Variants in LDLRAD4 observed in about 807,000 individuals in gnomAD.
LDLRAD4 encodes low-density lipoprotein receptor class A domain-containing protein 4.
LDLRAD4 carries 5 observed loss-of-function variants against 17.0 expected under a neutral mutation model. The ratio of observed to expected loss-of-function variants is 0.29; its 90% CI spans 0.15 to 0.62. The LOEUF (loss-of-function observed/expected upper bound fraction) is 0.62. Among genes scored for constraint, LDLRAD4 ranks in the 20% least tolerant of loss-of-function variants. The pLI, the probability that LDLRAD4 is intolerant of heterozygous loss-of-function variation, is 0.84. For missense variants in LDLRAD4, 340 were observed against 424.7 expected, an observed-to-expected ratio of 0.80 and a Z score of 1.75; for synonymous variants, 168 against 171.8, an observed-to-expected ratio of 0.98 and a Z score of 0.17.
intron 1 of LDLRAD4, among the ~76,000 whole-genome samples, chr18:13,301,359 G>A (rs577012542): frequency 1.3e-5 from 2 of 150,076 alleles, no homozygotes; most frequent in South Asian, 4.4e-4. Context: ...GACCATTCTC[G>A]AACTTGAGAG....
chr18:13,505,801 G>A (rs1373679372), intron 3 of LDLRAD4, among the ~76,000 whole-genome samples: 1 of 152,114 alleles, frequency 6.6e-6, no homozygotes, highest in African/African-American at 2.4e-5. Flanking sequence ...CTGGGCGACA[G>A]AGCAAGACTC....
chr18:13,596,279 A>G (rs28690848), intron 3 of LDLRAD4, among the ~76,000 whole-genome samples: 63,965 of 151,934 alleles, frequency 0.42, 14,139 homozygotes, highest in East Asian at 0.62. Flanking sequence ...ATTATTTTCT[A>G]TACATAGCAT....
intron 1 of LDLRAD4, among the ~76,000 whole-genome samples, chr18:13,296,303 A>T (rs1212755095): frequency 6.6e-6 from 1 of 152,190 alleles, no homozygotes; most frequent in East Asian, 1.9e-4. Context: ...GAGGTATATG[A>T]ATCTGCTAGG....
At chr18:13,219,681 G>A (rs1197953491) in intron 1 of LDLRAD4, among the ~76,000 whole-genome samples, 1 of 152,198 alleles carries the variant, frequency 6.6e-6, no homozygotes, top group East Asian at 1.9e-4. Flanking sequence ...CTGGTAAGGA[G>A]GTTGGTGCCT....
chr18:13,525,676 G>C lies in LDLRAD4; in HGVS notation c.181+87292G>C, dbSNP rs548050798. On this transcript the variant is annotated intron_variant, in intron 3 of 5. Transcript: ENST00000359446. ...TGAGGAGGCCCTGGAAGCAGAACAT[G>C]AGCAGGAGAGCAGAGCTGGGTGGGA... is the stretch of plus-strand genomic sequence containing the variant. 2.0e-5 allele frequency among the ~76,000 whole-genome samples: 3 copies of C among 152,246 alleles called. No homozygotes were observed. The South Asian group carries it at 6.2e-4, about 32-fold the overall frequency.
chr18:13,604,349 T>G (rs1343580333), intron 3 of LDLRAD4, among the ~76,000 whole-genome samples: 3 of 152,154 alleles, frequency 2.0e-5, no homozygotes, highest in Admixed American at 1.3e-4. Context: ...CTAACAGCTA[T>G]GGGAATAACG....
chr18:13,508,069 TG>T (rs2093722363), intron 3 of LDLRAD4, among the ~76,000 whole-genome samples: 2 of 149,224 alleles, frequency 1.3e-5, no homozygotes, highest in African/African-American at 5.2e-5. Context: ...ACAGCCTCAT[TG>T]TTGACATGAA....
intron 3 of LDLRAD4, among the ~76,000 whole-genome samples, chr18:13,590,034 CAT>C (rs1228228008): frequency 1.4e-5 from 2 of 145,188 alleles, no homozygotes; most frequent in Non-Finnish European, 3.0e-5. Flanking sequence ...TATGGGTGTG[CAT>C]GTGTGTGAGT....
chr18:13,512,862 G>A (rs1252986404), intron 3 of LDLRAD4, among the ~76,000 whole-genome samples: 1 of 152,116 alleles, frequency 6.6e-6, no homozygotes, highest in Non-Finnish European at 1.5e-5. Flanking sequence ...AAATAAATTT[G>A]GCAGTGGAGA....
chr18:13,601,002 TA>T (rs1262827226), intron 3 of LDLRAD4, among the ~76,000 whole-genome samples: 19 of 152,204 alleles, frequency 1.2e-4, no homozygotes, highest in Non-Finnish European at 2.2e-4. Context: ...CTTATCTGCA[TA>T]AAAGGCACTA....
intron 3 of LDLRAD4, among the ~76,000 whole-genome samples, chr18:13,474,341 T>C (rs1048285203): frequency 1.8e-4 from 27 of 152,024 alleles, no homozygotes; most frequent in African/African-American, 6.3e-4. Flanking sequence ...GCCCTTGGGC[T>C]GCACATTTCC....
chr18:13,567,204 G>A (rs1425686569), intron 3 of LDLRAD4, among the ~76,000 whole-genome samples: 1 of 152,170 alleles, frequency 6.6e-6, no homozygotes, highest in Non-Finnish European at 1.5e-5. Flanking sequence ...ATGTGCTTTT[G>A]TGGGTACCCT....
Position 13,398,194 on chromosome 18 carries a change from G to A in LDLRAD4, c.40+10432G>A, listed in dbSNP as rs1177139092. The stretch of plus-strand genomic sequence containing the variant: ...AGGGAGAGAGGCAGGAGGCTGAAGC[G>A]CCGAACCCAACGCAAATACTAAGCA... On this transcript the variant is annotated intron_variant, in intron 2 of 5. Transcript: ENST00000359446. The surrounding 1 kb of genome is among the most constrained non-coding windows in gnomAD (Gnocchi z 4.8). 6.6e-6 allele frequency among the ~76,000 whole-genome samples: 1 copy of A among 152,192 alleles called. No individual in the cohort carries two copies. The highest frequency in any genetic ancestry group is 2.4e-5 in the African/African-American group (1 of 41,454).
intron 3 of LDLRAD4, among the ~76,000 whole-genome samples, chr18:13,494,534 T>C (rs2093420465): frequency 6.7e-6 from 1 of 149,616 alleles, no homozygotes; most frequent in Non-Finnish European, 1.5e-5. Context: ...ACATTGAGGC[T>C]GGGCATGGTG....
chr18:13,316,465 C>T (rs1343409478), intron 1 of LDLRAD4, among the ~76,000 whole-genome samples: 1 of 152,164 alleles, frequency 6.6e-6, no homozygotes, highest in Non-Finnish European at 1.5e-5. Context: ...TAGGGAAATT[C>T]TTCAGGCGGA....
chr18:13,460,306 T>C (rs1194793987), intron 3 of LDLRAD4, among the ~76,000 whole-genome samples: 1 of 152,160 alleles, frequency 6.6e-6, no homozygotes. Flanking sequence ...GATCCTTCTG[T>C]CTCAGCCTCC....
chr18:13,528,462 A>G (rs1295015195), intron 3 of LDLRAD4, among the ~76,000 whole-genome samples: 1 of 152,090 alleles, frequency 6.6e-6, no homozygotes, highest in Non-Finnish European at 1.5e-5. Flanking sequence ...ACAGATGTGC[A>G]CCACCACGCC....
At position 13,621,797 on chromosome 18, in the gene LDLRAD4, G is replaced by GGCGGTGGGCTTGTCA. The variant is rs1220184983; in HGVS notation, c.336+541_336+555dup. On this transcript the variant is annotated intron_variant, in intron 4 of 5. Coordinates refer to ENST00000359446, the Ensembl canonical transcript of LDLRAD4. This position sits in a 1 kb window ranked among gnomAD's most constrained non-coding sequence, Gnocchi z 5.5. ...CCTGGGGATCGGCGGTGGGGTTGTT[G>GGCGGTGGGCTTGTCA]GCGGTGGGCTTGTCAGCGGTGGGCT... 2.0e-5 allele frequency among the ~76,000 whole-genome samples: 3 copies of GGCGGTGGGCTTGTCA among 151,886 alleles called. No homozygotes were observed. Among genetic ancestry groups the GGCGGTGGGCTTGTCA allele is most frequent in the East Asian group, 1.9e-4 (1 of 5,178 alleles).
At chr18:13,397,464 A>C (rs1205017245) in intron 2 of LDLRAD4, among the ~76,000 whole-genome samples, 1 of 152,202 alleles carries the variant, frequency 6.6e-6, no homozygotes, top group Non-Finnish European at 1.5e-5. Flanking sequence ...ATAGGGTCTT[A>C]CTATGTTTTC....
Sources: allele counts gnomAD v4.1 joint callset (sites outside exome capture counted in the v4.1 genomes callset), GRCh38; gene constraint gnomAD v4.1.1; non-coding constraint Gnocchi (gnomAD v3.1); transcripts MANE v1.5; gene names NCBI Gene and HGNC (gene_info 2026-07-23, HGNC 2026-07-21).